MGAM2: variants seen among roughly 807,000 people sequenced by gnomAD.
MGAM2 encodes the protein maltase-glucoamylase 2 (putative).
A neutral mutation model predicts 96.1 loss-of-function variants in MGAM2; 98 were observed. That is an observed-to-expected ratio of 1.02 (90% confidence interval 0.87 to 1.21). The LOEUF is 1.21. Ranked by LOEUF, MGAM2 falls within the 50% of genes most tolerant of loss-of-function variation. MGAM2 has a pLI of 0.00. For missense variants in MGAM2, 2,055 were observed against 1,182.4 expected (o/e 1.74, Z -10.82); for synonymous variants, 749 against 414.8 (o/e 1.81, Z -9.79).
At chr7:142,128,111 A>T (rs1313290464) in intron 3 of MGAM2, among the ~76,000 whole-genome samples, 1 of 152,200 alleles carries the variant, frequency 6.6e-6, no homozygotes, top group Non-Finnish European at 1.5e-5. Flanking sequence ...TGTTTTAGCA[A>T]AGAGACTGGT....
chr7:142,145,211 C>T (rs1795349888), intron 14 of MGAM2, among the ~76,000 whole-genome samples: 2 of 152,174 alleles, frequency 1.3e-5, no homozygotes. Flanking sequence ...AAAATGCTTT[C>T]ATCCTGTTCA....
chr7:142,112,169 T>C (rs1817195722), intron 1 of MGAM2, among the ~76,000 whole-genome samples: 1 of 151,952 alleles, frequency 6.6e-6, no homozygotes, highest in Non-Finnish European at 1.5e-5. Context: ...ATGGCATGGA[T>C]TTGGAGGAAG....
chr7:142,196,506 C>A (rs569257355), intron 38 of MGAM2, 59 bp from the exon 39 acceptor site: 46 of 704,878 alleles, frequency 6.5e-5, no homozygotes, highest in Middle Eastern at 2.3e-4. Context: ...TCAGGCCAAG[C>A]CTTCACTCTC....
At chr7:142,139,366 G>T (rs1305738329) in intron 10 of MGAM2, among the ~76,000 whole-genome samples, 3 of 151,996 alleles carry the variant, frequency 2.0e-5, no homozygotes, top group African/African-American at 7.2e-5. Context: ...TTTGATGTAA[G>T]AATATAGTGT....
At chr7:142,218,857 C>G (rs1162346760) in intron 47 of MGAM2, among the ~76,000 whole-genome samples, 1 of 152,136 alleles carries the variant, frequency 6.6e-6, no homozygotes, top group Non-Finnish European at 1.5e-5. Flanking sequence ...CTTATTTCTG[C>G]TGCAGAGGCT....
chr7:142,189,554 C>A, intron 37 of MGAM2, 49 bp downstream of exon 37: 1 of 635,686 alleles, frequency 1.6e-6, no homozygotes, highest in Non-Finnish European at 2.8e-6. Context: ...CACATCATTC[C>A]TTTTGCCATT....
intron 24 of MGAM2, among the ~76,000 whole-genome samples, chr7:142,165,737 A>C (rs1292709858): frequency 6.6e-6 from 1 of 152,216 alleles, no homozygotes; most frequent in African/African-American, 2.4e-5. Flanking sequence ...CATGCTTATA[A>C]AGTGGTTATC....
In MGAM2 at chr7:142,148,110, C is replaced by T. The variant is rs1041300249; in HGVS notation, c.1634+537C>T. 5.9e-5 allele frequency among the ~76,000 whole-genome samples: 9 copies of T among 152,078 alleles called. No homozygotes were observed. Among genetic ancestry groups the T allele is most frequent in the South Asian group, 2.1e-4 (1 of 4,816 alleles). On this transcript the variant is annotated intron_variant, in intron 15 of 47. Transcript: ENST00000477922. This position sits in a 1 kb window ranked among gnomAD's most constrained non-coding sequence, Gnocchi z 4.2. ...TAAGACACACACACATGCACACACA[C>T]GTGCACACACAACTATCACCATCAC... is the stretch of plus-strand genomic sequence containing the variant.
intron 37 of MGAM2, among the ~76,000 whole-genome samples, chr7:142,195,646 C>T (rs1384788548): frequency 6.6e-6 from 1 of 151,904 alleles, no homozygotes; most frequent in Non-Finnish European, 1.5e-5. Flanking sequence ...TGTGAGCCAC[C>T]ACACCCAGAC....
chr7:142,219,376 G>T (rs1797854979), intron 47 of MGAM2, among the ~76,000 whole-genome samples: 1 of 152,064 alleles, frequency 6.6e-6, no homozygotes, highest in African/African-American at 2.4e-5. Context: ...ATTTTACCTG[G>T]ACTATTGAGT....
intron 45 of MGAM2, among the ~76,000 whole-genome samples, chr7:142,203,614 A>G (rs1327997721): frequency 6.6e-6 from 1 of 152,226 alleles, no homozygotes; most frequent in Non-Finnish European, 1.5e-5. Context: ...ATAAGGCTAT[A>G]GTAACCAAAA....
chr7:142,114,200 AAGAAAGAAAGAAAGAG>A lies in MGAM2; in HGVS notation c.-1+2409_-1+2424del, dbSNP rs1356310269. ...AAAGAAAGAAAGAAAGAAAGAAAGA[AAGAAAGAAAGAAAGAG>A]AGAAAGAAAGAAAGAAATAGGAGAC... On this transcript the variant is annotated intron_variant, in intron 1 of 47. Transcript: ENST00000477922. Among the ~76,000 whole-genome samples the A allele has an allele frequency of 1.4e-3, 200 of 139,372 alleles. 9 individuals are homozygous for A. The highest frequency in any genetic ancestry group is 1.7e-3 in the Non-Finnish European group (114 of 66,178). 91.4% of individuals were successfully genotyped at this position (139,372 alleles called of 152,430 possible).
chr7:142,130,341 T>A (rs1013349708), intron 3 of MGAM2, among the ~76,000 whole-genome samples: 6 of 152,244 alleles, frequency 3.9e-5, no homozygotes, highest in African/African-American at 1.4e-4. Flanking sequence ...CTCTTTCTCA[T>A]GGGAAAGTCC....
intron 3 of MGAM2, among the ~76,000 whole-genome samples, chr7:142,123,812 T>C (rs559864910): frequency 6.6e-6 from 1 of 152,244 alleles, no homozygotes; most frequent in African/African-American, 2.4e-5. Flanking sequence ...GTTCATTTCA[T>C]ATTCTATTTA....
chr7:142,206,297 G>A (rs1029132150), intron 45 of MGAM2, among the ~76,000 whole-genome samples: 7 of 152,064 alleles, frequency 4.6e-5, no homozygotes, highest in South Asian at 4.2e-4. Context: ...CAATACTGAC[G>A]TTTTGGGCTA....
At chr7:142,175,238 A>G (rs1198352125) in intron 31 of MGAM2, among the ~76,000 whole-genome samples, 1 of 152,120 alleles carries the variant, frequency 6.6e-6, no homozygotes, top group Non-Finnish European at 1.5e-5. Flanking sequence ...AGAGTTTTTA[A>G]AAATCAGCCA....
Position 142,154,959 on chromosome 7 carries a change from TA to T in MGAM2, c.1923+120del, listed in dbSNP as rs574489195. 163 of 638,436 alleles carry T rather than the reference TA, an allele frequency of 2.6e-4. 1 individual carries two copies. In the East Asian group the frequency reaches 4.2e-3, roughly 16 times the overall value. The allele number at this position is 638,436 out of a possible 1,614,324, so 39.5% of individuals were successfully genotyped here. On this transcript the variant is annotated intron_variant, in intron 17 of 47. Coordinates refer to ENST00000477922, the MANE Select transcript of MGAM2 (RefSeq NM_001293626.2). ...GTTGGCACTAACTGCAGCAGAAGGA[TA>T]AAAAAGTCTTGTATCATAGCCTTAA... is the stretch of plus-strand genomic sequence containing the variant.
At chr7:142,207,517 C>T (rs1797445273) in intron 45 of MGAM2, among the ~76,000 whole-genome samples, 1 of 152,074 alleles carries the variant, frequency 6.6e-6, no homozygotes, top group African/African-American at 2.4e-5. Flanking sequence ...GCTCCGCCTC[C>T]TGGGTTCACG....
chr7:142,206,214 G>A (rs1490486482), intron 45 of MGAM2, among the ~76,000 whole-genome samples: 2 of 152,086 alleles, frequency 1.3e-5, no homozygotes, highest in Admixed American at 6.6e-5. Context: ...TTAAAATCAG[G>A]AAGCATGAGT....
Sources: allele counts gnomAD v4.1 joint callset (sites outside exome capture counted in the v4.1 genomes callset), GRCh38; gene constraint gnomAD v4.1.1; non-coding constraint Gnocchi (gnomAD v3.1); transcripts MANE v1.5; gene names NCBI Gene and HGNC (gene_info 2026-07-23, HGNC 2026-07-21).